The following FER variants were observed in gnomAD, a reference collection of about 807,000 sequenced individuals.
The protein encoded by FER is tyrosine-protein kinase Fer.
Under a neutral mutation model 111.0 loss-of-function variants are expected in FER, and 63 were observed. The observed-to-expected ratio is 0.57, with a 90% CI of 0.46 to 0.70. The LOEUF (loss-of-function observed/expected upper bound fraction) is 0.70. Among genes scored for constraint, FER ranks in the 30% least tolerant of loss-of-function variants. The pLI is 0.00. For synonymous variants in FER, 327 were observed against 313.9 expected (o/e 1.04, Z -0.44); for missense variants, 914 against 954.0 (o/e 0.96, Z 0.55).
chr5:109,137,864 A>G (rs1753068003), intron 17 of FER, among the ~76,000 whole-genome samples: 1 of 152,148 alleles, frequency 6.6e-6, no homozygotes, highest in Admixed American at 6.6e-5. Flanking sequence ...GTTAATTCTA[A>G]TCTTTTTCTT....
intron 13 of FER, among the ~76,000 whole-genome samples, chr5:109,031,966 T>G (rs1769690138): frequency 6.6e-6 from 1 of 152,216 alleles, no homozygotes; most frequent in African/African-American, 2.4e-5. Context: ...CTAGCAATGC[T>G]TAAGTATATC....
chr5:109,014,201 T>A (rs1237537670), intron 13 of FER, among the ~76,000 whole-genome samples: 1 of 151,822 alleles, frequency 6.6e-6, no homozygotes, highest in Admixed American at 6.6e-5. Flanking sequence ...TCTTCTAGGG[T>A]TTTTATGGTT....
At position 108,846,629 on chromosome 5, in the gene FER, C is replaced by T. The variant is rs1352046315; in HGVS notation, c.481+10822C>T. ...AGACAGTCTTGCTCTGTCACCCAGG[C>T]TGGAGTGCAGTGGCGCGATCACGGC... On this transcript the variant is annotated intron_variant, in intron 5 of 19. Coordinates refer to ENST00000281092, the MANE Select transcript of FER (RefSeq NM_005246.4). Among the ~76,000 whole-genome samples the T allele has an allele frequency of 1.1e-4, 16 of 152,138 alleles. No homozygotes were observed. In the South Asian group the frequency reaches 3.3e-3, roughly 32 times the overall value.
In FER at chr5:108,832,896, A is replaced by G. The variant is rs898696047; in HGVS notation, c.334A>G (p.Lys112Glu). ...GATTAAGGACAAGCAGCAGGTGAAG[A>G]AAAGTTACATAGGTGTTCATCAGCA... The part of the protein sequence containing the change: ...MMIKDKQQVK[K>E]SYIGVHQQIE... Residue 112 changes from lysine (K) to glutamate (E), a missense_variant, in exon 4 of 20, where the codon AAA becomes GAA. Physicochemically the swap from Lys to Glu is moderately conservative, Grantham distance 56. Around this residue, in one of 3 missense-constraint regions of FER, gnomAD observed 774 missense variants for 782.6 expected, o/e 0.99. Transcript: ENST00000281092. 1 of 1,607,010 alleles carries G rather than the reference A, an allele frequency of 6.2e-7. No individual in the cohort carries two copies. The highest frequency in any genetic ancestry group is 8.5e-7 in the Non-Finnish European group (1 of 1,175,886).
chr5:108,926,680 C>T (rs1385678267), intron 10 of FER, among the ~76,000 whole-genome samples: 1 of 152,154 alleles, frequency 6.6e-6, no homozygotes, highest in Non-Finnish European at 1.5e-5. Context: ...AAGTACTTTT[C>T]ATTGTCAGTC....
At chr5:109,119,727 A>G (rs1750725296) in intron 17 of FER, among the ~76,000 whole-genome samples, 1 of 151,948 alleles carries the variant, frequency 6.6e-6, no homozygotes, top group African/African-American at 2.4e-5. Flanking sequence ...ATTAATTTAC[A>G]TTCCTACAGA....
intron 13 of FER, among the ~76,000 whole-genome samples, chr5:109,021,786 TTGTGAAA>T (rs1478126508): frequency 6.6e-6 from 1 of 152,072 alleles, no homozygotes; most frequent in African/African-American, 2.4e-5. Context: ...AAACATGACG[TTGTGAAA>T]TGTGTGCATT....
intron 3 of FER, among the ~76,000 whole-genome samples, chr5:108,828,376 T>C (rs1759692122): frequency 6.6e-6 from 1 of 152,186 alleles, no homozygotes; most frequent in Admixed American, 6.5e-5. Flanking sequence ...ACTTAAGAAC[T>C]AAAGCTATCT....
chr5:108,883,458 C>G lies in FER; in HGVS notation c.986C>G (p.Ala329Gly). ...TQQMLLNKEE[A>G]VLELEKRIEE... ...CAGATGCTTTTAAACAAGGAGGAGG[C>G]TGTTTTGGAGTTAGAGAAGAGAATT... Residue 329 changes from alanine to glycine, a missense_variant, in exon 9 of 20, where the codon GCT becomes GGT. Around this residue, in one of 3 missense-constraint regions of FER, gnomAD observed 774 missense variants for 782.6 expected, o/e 0.99. Coordinates refer to ENST00000281092, the MANE Select transcript of FER (RefSeq NM_005246.4). The G allele has an allele frequency of 6.2e-7, 1 of 1,608,852 alleles. No individual in the cohort carries two copies. The highest frequency in any genetic ancestry group is 1.1e-5 in the South Asian group (1 of 90,606).
chr5:108,918,526 G>T (rs1355006024), intron 10 of FER, among the ~76,000 whole-genome samples: 1 of 140,510 alleles, frequency 7.1e-6, no homozygotes, highest in East Asian at 2.1e-4. Context: ...TCGCTCTGTT[G>T]CCCAGGCTGG....
chr5:108,994,708 C>T (rs917186587), intron 13 of FER, among the ~76,000 whole-genome samples: 4 of 152,102 alleles, frequency 2.6e-5, no homozygotes, highest in Admixed American at 2.6e-4. Context: ...GGCAGTATGG[C>T]CTTTTTTATG....
intron 10 of FER, among the ~76,000 whole-genome samples, chr5:108,916,742 A>T (rs2149540542): frequency 6.6e-6 from 1 of 152,030 alleles, no homozygotes; most frequent in East Asian, 1.9e-4. Context: ...TTGCCAGAAA[A>T]CTCTATCATG....
At chr5:108,939,753 T>C (rs577308548) in intron 10 of FER, among the ~76,000 whole-genome samples, 2 of 152,152 alleles carry the variant, frequency 1.3e-5, no homozygotes, top group South Asian at 4.1e-4. Flanking sequence ...CTTAGGATTT[T>C]CGTTTAGGTT....
intron 17 of FER, among the ~76,000 whole-genome samples, chr5:109,107,860 G>C (rs146852655): frequency 5.3e-5 from 8 of 152,152 alleles, no homozygotes; most frequent in Admixed American, 2.0e-4. Flanking sequence ...TGACATTTAG[G>C]CTAATATAAC....
chr5:109,095,119 G>A (rs568397739), intron 16 of FER, among the ~76,000 whole-genome samples: 1 of 152,222 alleles, frequency 6.6e-6, no homozygotes, highest in East Asian at 1.9e-4. Flanking sequence ...AGTGTTAGCA[G>A]AACATGACCA....
At chr5:108,771,553 A>C (rs1451318543) in intron 2 of FER, among the ~76,000 whole-genome samples, 1 of 152,008 alleles carries the variant, frequency 6.6e-6, no homozygotes, top group Non-Finnish European at 1.5e-5. Flanking sequence ...TGCTGCTTTC[A>C]CTCATCATGC....
intron 17 of FER, among the ~76,000 whole-genome samples, chr5:109,136,094 A>C (rs1433848064): frequency 6.6e-6 from 1 of 151,948 alleles, no homozygotes; most frequent in Non-Finnish European, 1.5e-5. Context: ...TGTTTTTACT[A>C]AAAATACAAA....
At chr5:109,159,397 A>G (rs1755752663) in intron 17 of FER, among the ~76,000 whole-genome samples, 1 of 152,126 alleles carries the variant, frequency 6.6e-6, no homozygotes, top group Non-Finnish European at 1.5e-5. Flanking sequence ...TATTTTAATT[A>G]CATGCTAGAA....
At chr5:109,051,790 T>C in intron 16 of FER, 3 of 1,595,494 alleles carry the variant, frequency 1.9e-6, no homozygotes, top group Non-Finnish European at 2.6e-6. Flanking sequence ...TTCAATGATA[T>C]TCAAGGCCAG....
Sources: allele counts gnomAD v4.1 joint callset (sites outside exome capture counted in the v4.1 genomes callset), GRCh38; gene constraint gnomAD v4.1.1; regional missense constraint gnomAD v4.1.1; transcripts MANE v1.5; gene names NCBI Gene and HGNC (gene_info 2026-07-23, HGNC 2026-07-21).